Variants in FAM13B observed in about 807,000 individuals in gnomAD.
FAM13B encodes protein FAM13B.
A neutral mutation model predicts 117.3 loss-of-function variants in FAM13B; 60 were observed. That is an observed-to-expected ratio of 0.51 (90% confidence interval 0.42 to 0.63). The LOEUF (loss-of-function observed/expected upper bound fraction) is 0.63, where lower values mean the gene tolerates loss of function less well. Ranked by LOEUF, FAM13B falls within the 30% of genes least tolerant of loss-of-function variation. The probability of loss-of-function intolerance (pLI) is 0.00; values close to 1 mark genes in which losing one functional copy is unlikely to be tolerated. For synonymous variants in FAM13B, 332 were observed against 356.1 expected (o/e 0.93, Z 0.76); for missense variants, 972 against 1,091.9 (o/e 0.89, Z 1.55).
Position 137,961,048 on chromosome 5 carries a change from C to T in FAM13B, c.1245-834G>A, listed in dbSNP as rs1052361427. On this transcript the variant is annotated intron_variant, in intron 11 of 23. Coordinates refer to ENST00000689681, the MANE Select transcript of FAM13B (RefSeq NM_001385994.1). ...AAATATTGCAAGTCATCTTCTCATA[C>T]AGATAATTACCTTATTCTTGCTGAG... is the stretch of plus-strand genomic sequence containing the variant. Among the ~76,000 whole-genome samples, 71 of 152,152 alleles carry T rather than the reference C, an allele frequency of 4.7e-4. 1 individual carries two copies. The highest frequency in any genetic ancestry group is 1.7e-3 in the African/African-American group (71 of 41,426).
Position 137,951,962 on chromosome 5 carries a change from G to C in FAM13B, c.1930+666C>G, listed in dbSNP as rs542980796. On this transcript the variant is annotated intron_variant, in intron 17 of 23. Coordinates refer to ENST00000689681, the MANE Select transcript of FAM13B (RefSeq NM_001385994.1). ...ACTGAATTCCAGCCTGGACAACAGAGTGAGACTCTGTCTCGAAAAAATTAG... is the reference window on the plus strand; with the variant it reads ...ACTGAATTCCAGCCTGGACAACAGACTGAGACTCTGTCTCGAAAAAATTAG... 5.3e-5 allele frequency among the ~76,000 whole-genome samples: 8 copies of C among 152,232 alleles called. No homozygotes were observed. In the South Asian group the frequency reaches 1.7e-3, roughly 32 times the overall value.
Position 138,029,133 on chromosome 5 carries a change from T to C in FAM13B, c.-203+3649A>G, listed in dbSNP as rs60822100. Among the ~76,000 whole-genome samples, 1,512 of 152,314 alleles carry C rather than the reference T, an allele frequency of 9.9e-3. 30 individuals are homozygous for C. The highest frequency in any genetic ancestry group is 0.034 in the African/African-American group (1,419 of 41,566). Reference sequence around the variant, plus strand: ...ATTTCCAGTGTACTTTCCAGTTCACTCTCCAACTGAATCCTCCAACCATCC... The same window carrying C: ...ATTTCCAGTGTACTTTCCAGTTCACCCTCCAACTGAATCCTCCAACCATCC... On this transcript the variant is annotated intron_variant, in intron 1 of 23. Coordinates refer to ENST00000689681, the MANE Select transcript of FAM13B (RefSeq NM_001385994.1).
intron 20 of FAM13B, among the ~76,000 whole-genome samples, chr5:137,944,763 CAAA>C (rs56204519): frequency 7.5e-5 from 11 of 147,592 alleles, no homozygotes; most frequent in African/African-American, 7.6e-5. Flanking sequence ...ATCTCAAAAA[CAAA>C]AAAAAAAAAA....
At chr5:138,011,980 A>G (rs1299753698) in intron 4 of FAM13B, 35 bp from the exon 5 acceptor site, 1 of 1,462,568 alleles carries the variant, frequency 6.8e-7, no homozygotes, top group Middle Eastern at 2.5e-4. Flanking sequence ...TTTTCAATAA[A>G]GGAAAAAGCA....
intron 1 of FAM13B, among the ~76,000 whole-genome samples, chr5:138,043,893 G>A (rs1791570379): frequency 6.6e-6 from 1 of 151,596 alleles, no homozygotes; most frequent in Admixed American, 6.6e-5. Flanking sequence ...TTTTCTATAT[G>A]AATATTGCAC....
At chr5:138,009,226 G>T (rs920881709) in intron 6 of FAM13B, among the ~76,000 whole-genome samples, 2 of 152,172 alleles carry the variant, frequency 1.3e-5, no homozygotes, top group African/African-American at 2.4e-5. Flanking sequence ...TGTATAATTC[G>T]TTGTGTTTAT....
chr5:137,945,839 T>C, intron 20 of FAM13B, 63 bp downstream of exon 20: 1 of 1,179,612 alleles, frequency 8.5e-7, no homozygotes, highest in South Asian at 1.4e-5. Flanking sequence ...ACAATAATAA[T>C]TTTTTTTGGG....
At chr5:138,047,591 T>C (rs1477615377) in intron 1 of FAM13B, among the ~76,000 whole-genome samples, 3 of 152,188 alleles carry the variant, frequency 2.0e-5, no homozygotes, top group African/African-American at 7.2e-5. Context: ...ATAAAGGTTA[T>C]AGGCAGAATT....
At chr5:138,005,269 A>G (rs551057733) in intron 7 of FAM13B, among the ~76,000 whole-genome samples, 2 of 152,236 alleles carry the variant, frequency 1.3e-5, no homozygotes, top group East Asian at 3.9e-4. Flanking sequence ...TAATTAACAA[A>G]ATTTAAAACA....
At chr5:137,982,370 T>C (rs867723021) in intron 10 of FAM13B, among the ~76,000 whole-genome samples, 4 of 152,148 alleles carry the variant, frequency 2.6e-5, no homozygotes, top group Non-Finnish European at 5.9e-5. Context: ...CTGGCCAACA[T>C]AGTGAAACTC....
chr5:138,040,440 T>TG (rs1791460268), intron 1 of FAM13B, among the ~76,000 whole-genome samples: 1 of 149,534 alleles, frequency 6.7e-6, no homozygotes, highest in South Asian at 2.1e-4. Context: ...GGCATGGTGG[T>TG]GCATGCCTGT....
chr5:137,992,625 T>C (rs1778900963), intron 7 of FAM13B, among the ~76,000 whole-genome samples: 1 of 152,044 alleles, frequency 6.6e-6, no homozygotes, highest in East Asian at 1.9e-4. Context: ...AAACCTCCAA[T>C]GAACCACTAA....
intron 10 of FAM13B, among the ~76,000 whole-genome samples, chr5:137,983,227 A>C (rs1486757817): frequency 6.8e-6 from 1 of 147,034 alleles, no homozygotes; most frequent in Non-Finnish European, 1.5e-5. Flanking sequence ...CGAGTGAGAT[A>C]TCCTGAATGC....
chr5:137,980,580 C>T (rs989955155), intron 10 of FAM13B, among the ~76,000 whole-genome samples: 1 of 151,834 alleles, frequency 6.6e-6, no homozygotes, highest in Non-Finnish European at 1.5e-5. Context: ...GTAGCTGGGA[C>T]TACAGGCGTA....
At chr5:137,957,286 A>G (rs1275674651) in intron 13 of FAM13B, among the ~76,000 whole-genome samples, 2 of 152,164 alleles carry the variant, frequency 1.3e-5, no homozygotes, top group African/African-American at 2.4e-5. Flanking sequence ...TCACACCTGT[A>G]ATCTCAGCAC....
chr5:137,946,022 G>C (rs746884881), intron 19 of FAM13B, 25 bp from the exon 20 acceptor site: 8 of 1,552,204 alleles, frequency 5.2e-6, no homozygotes, highest in African/African-American at 1.4e-5. Flanking sequence ...AAAAGAAATT[G>C]TCTAGTCATC....
At chr5:138,015,757 T>A (rs1390989939) in intron 4 of FAM13B, among the ~76,000 whole-genome samples, 2 of 152,162 alleles carry the variant, frequency 1.3e-5, no homozygotes, top group African/African-American at 4.8e-5. Flanking sequence ...GAGGAAACTT[T>A]GTTCAGAGAT....
chr5:138,023,730 G>A (rs1025384454), intron 1 of FAM13B, among the ~76,000 whole-genome samples: 7 of 152,010 alleles, frequency 4.6e-5, no homozygotes, highest in African/African-American at 1.2e-4. Context: ...CACCACACCC[G>A]GCTAATTTTT....
At position 137,995,497 on chromosome 5, in the gene FAM13B, C is replaced by T. The variant is rs1200589394; in HGVS notation, c.849-7182G>A. 2.0e-5 allele frequency among the ~76,000 whole-genome samples: 3 copies of T among 152,272 alleles called. 1 individual carries two copies. Among genetic ancestry groups the T allele is most frequent in the South Asian group, 4.1e-4 (2 of 4,824 alleles). ...ATTTGAGAAAAGCATTTATGGTTAA[C>T]GTTTCAAGTCTAAAAATTGGATAGC... On this transcript the variant is annotated intron_variant, in intron 7 of 23. Transcript: ENST00000689681.
Sources: allele counts gnomAD v4.1 joint callset (sites outside exome capture counted in the v4.1 genomes callset), GRCh38; gene constraint gnomAD v4.1.1; transcripts MANE v1.5; gene names NCBI Gene and HGNC (gene_info 2026-07-23, HGNC 2026-07-21).